The following NR6A1 variants were observed in gnomAD, a reference collection of about 807,000 sequenced individuals.
NR6A1 encodes nuclear receptor subfamily 6 group A member 1.
In NR6A1, 7 loss-of-function variants were observed where a neutral mutation model predicts 59.1. The observed-to-expected ratio is 0.12, with a 90% CI of 0.07 to 0.22. NR6A1 has a LOEUF of 0.22. Ranked by LOEUF, NR6A1 falls within the 10% of genes least tolerant of loss-of-function variation. NR6A1 has a pLI of 1.00. For synonymous variants in NR6A1, 243 were observed against 236.1 expected (o/e 1.03, Z -0.27); for missense variants, 468 against 611.6 (o/e 0.77, Z 2.48).
intron 2 of NR6A1, among the ~76,000 whole-genome samples, chr9:124,729,419 GA>G (rs1291501928): frequency 2.6e-5 from 4 of 151,640 alleles, no homozygotes; most frequent in East Asian, 1.9e-4. Flanking sequence ...ATTTGAAAGA[GA>G]AAAAAAATAC....
At chr9:124,707,572 T>C (rs962039216) in intron 2 of NR6A1, among the ~76,000 whole-genome samples, 1 of 152,166 alleles carries the variant, frequency 6.6e-6, no homozygotes, top group Non-Finnish European at 1.5e-5. Flanking sequence ...ACATGTCTTT[T>C]AATTTTTGTT....
intron 2 of NR6A1, among the ~76,000 whole-genome samples, chr9:124,602,493 C>T (rs899862330): frequency 1.3e-5 from 2 of 152,190 alleles, no homozygotes; most frequent in African/African-American, 4.8e-5. Flanking sequence ...TTGTACAAAG[C>T]AAGTCTCAAA....
chr9:124,639,751 T>C (rs1415240600), intron 2 of NR6A1, among the ~76,000 whole-genome samples: 1 of 152,208 alleles, frequency 6.6e-6, no homozygotes, highest in African/African-American at 2.4e-5. Flanking sequence ...CTGAGTAAGA[T>C]GAGCACTGAG....
chr9:124,728,436 C>T (rs1236393342), intron 2 of NR6A1, among the ~76,000 whole-genome samples: 1 of 151,756 alleles, frequency 6.6e-6, no homozygotes, highest in Non-Finnish European at 1.5e-5. Context: ...GAGTTCAAGA[C>T]CAGCGTGGCC....
chr9:124,559,860 T>C (rs1834032327), intron 2 of NR6A1, among the ~76,000 whole-genome samples: 1 of 152,234 alleles, frequency 6.6e-6, no homozygotes, highest in Admixed American at 6.5e-5. Context: ...AATTATATAG[T>C]ATCAAAATCT....
At chr9:124,650,279 T>A (rs1837058464) in intron 2 of NR6A1, among the ~76,000 whole-genome samples, 1 of 151,930 alleles carries the variant, frequency 6.6e-6, no homozygotes, top group Non-Finnish European at 1.5e-5. Context: ...AAGAATAAAA[T>A]CCCATCATTT....
At chr9:124,537,779 C>T (rs989696041) in intron 6 of NR6A1, among the ~76,000 whole-genome samples, 1 of 152,126 alleles carries the variant, frequency 6.6e-6, no homozygotes, top group Non-Finnish European at 1.5e-5. Context: ...AGAATTACTG[C>T]TCATCTCTAG....
chr9:124,585,911 T>C, intron 2 of NR6A1, among the ~76,000 whole-genome samples: 1 of 152,180 alleles, frequency 6.6e-6, no homozygotes, highest in South Asian at 2.1e-4. Context: ...ACAGCATGTA[T>C]GTTTATAGAA....
intron 3 of NR6A1, among the ~76,000 whole-genome samples, chr9:124,544,755 G>A (rs1352961161): frequency 2.0e-5 from 3 of 152,294 alleles, no homozygotes; most frequent in African/African-American, 7.2e-5. Context: ...TGAGATAAGG[G>A]TGGAAAGGCC....
chr9:124,537,368 T>C (rs1286576622), intron 6 of NR6A1, among the ~76,000 whole-genome samples: 2 of 152,224 alleles, frequency 1.3e-5, no homozygotes, highest in African/African-American at 4.8e-5. Context: ...ATTACAGGCA[T>C]GAGCCACCAC....
chr9:124,574,404 C>G (rs1483848711), intron 2 of NR6A1, among the ~76,000 whole-genome samples: 1 of 152,164 alleles, frequency 6.6e-6, no homozygotes, highest in Non-Finnish European at 1.5e-5. Flanking sequence ...ACTGAAGGAG[C>G]CTTAGCAGAG....
Position 124,771,110 on chromosome 9 carries a change from C to CCCGCTCCATGCGGTGGTGCCTAGGGT in NR6A1, c.-17_9dup (p.Asp4ThrfsTer131). On this transcript the variant is annotated frameshift_variant, in exon 1 of 10. Transcript: ENST00000487099. LOFTEE classifies it high-confidence loss of function. ...CCCCCTCCGCTAGGCGGCGGTTCGT[C>CCCGCTCCATGCGGTGGTGCCTAGGGT]CCGCTCCATGCGGTGGTGCCTAGGG... 1 of 1,229,766 alleles carries CCCGCTCCATGCGGTGGTGCCTAGGGT rather than the reference C, an allele frequency of 8.1e-7. No homozygotes were observed. Among genetic ancestry groups the CCCGCTCCATGCGGTGGTGCCTAGGGT allele is most frequent in the Non-Finnish European group, 1.0e-6 (1 of 986,178 alleles). The allele number at this position is 1,229,766 out of a possible 1,614,324, so 76.2% of individuals were successfully genotyped here.
intron 7 of NR6A1, among the ~76,000 whole-genome samples, chr9:124,531,795 T>C (rs1833107148): frequency 6.6e-6 from 1 of 152,212 alleles, no homozygotes; most frequent in South Asian, 2.1e-4. Flanking sequence ...ACCAACATTT[T>C]CCACTCGCTG....
At chr9:124,547,470 A>C (rs1195567986) in intron 3 of NR6A1, among the ~76,000 whole-genome samples, 2 of 152,150 alleles carry the variant, frequency 1.3e-5, no homozygotes, top group Non-Finnish European at 2.9e-5. Context: ...TAAACATGCT[A>C]TTCTGTTTTA....
chr9:124,630,210 GTT>G (rs71372979), intron 2 of NR6A1, among the ~76,000 whole-genome samples: 9 of 95,348 alleles, frequency 9.4e-5, no homozygotes, highest in African/African-American at 2.5e-4. Flanking sequence ...CTCCAAATCA[GTT>G]TTTTTTTTTT....
intron 2 of NR6A1, among the ~76,000 whole-genome samples, chr9:124,647,244 T>G (rs1277155837): frequency 6.6e-6 from 1 of 151,826 alleles, no homozygotes; most frequent in Non-Finnish European, 1.5e-5. Flanking sequence ...TAAACAAAAT[T>G]GACCAATTGT....
chr9:124,672,999 AGAGT>A (rs1391314675), intron 2 of NR6A1, among the ~76,000 whole-genome samples: 1 of 152,180 alleles, frequency 6.6e-6, no homozygotes, highest in Non-Finnish European at 1.5e-5. Context: ...TGTTTGCCCA[AGAGT>A]GAGTGACATG....
At chr9:124,697,108 C>A (rs748866295) in intron 2 of NR6A1, among the ~76,000 whole-genome samples, 1 of 152,040 alleles carries the variant, frequency 6.6e-6, no homozygotes, top group Non-Finnish European at 1.5e-5. Flanking sequence ...CTGGAGTGTA[C>A]TAAGAAAGAA....
At chr9:124,744,154 C>G (rs1411097902) in intron 1 of NR6A1, among the ~76,000 whole-genome samples, 1 of 152,118 alleles carries the variant, frequency 6.6e-6, no homozygotes, top group African/African-American at 2.4e-5. Context: ...GTGGGAGGAC[C>G]ACTTGAGCCT....
Sources: allele counts gnomAD v4.1 joint callset (sites outside exome capture counted in the v4.1 genomes callset), GRCh38; gene constraint gnomAD v4.1.1; transcripts MANE v1.5; gene names NCBI Gene and HGNC (gene_info 2026-07-23, HGNC 2026-07-21).